The following RUNDC3B variants were observed in gnomAD, a reference collection of about 807,000 sequenced individuals.
RUNDC3B encodes RUN domain-containing protein 3B.
Under a neutral mutation model 58.4 loss-of-function variants are expected in RUNDC3B, and 33 were observed. That is an observed-to-expected ratio of 0.56 (90% confidence interval 0.43 to 0.75). RUNDC3B has a LOEUF of 0.75. Among genes scored for constraint, RUNDC3B ranks in the 30% least tolerant of loss-of-function variants. RUNDC3B has a pLI of 0.00. For synonymous variants in RUNDC3B, 193 were observed against 195.2 expected (o/e 0.99, Z 0.10); for missense variants, 501 against 535.7 (o/e 0.94, Z 0.64).
At chr7:87,696,952 TC>T (rs1263850216) in intron 2 of RUNDC3B, among the ~76,000 whole-genome samples, 2 of 152,212 alleles carry the variant, frequency 1.3e-5, no homozygotes, top group Non-Finnish European at 2.9e-5. Context: ...TTCTAGTTTT[TC>T]TGTCTCTGTT....
rs182756165 is a variant in RUNDC3B, at chr7:87,640,072, C to T, written c.123-10750C>T. Among the ~76,000 whole-genome samples, 1,181 of 150,132 alleles carry T rather than the reference C, an allele frequency of 7.9e-3. 21 individuals are homozygous for T. Among genetic ancestry groups the T allele is most frequent in the African/African-American group, 0.027 (1,119 of 41,114 alleles). On this transcript the variant is annotated intron_variant, in intron 1 of 10. Coordinates refer to ENST00000394654, the MANE Select transcript of RUNDC3B (RefSeq NM_001134405.2). ...ATATATGTTTATATATATTTCTATT[C>T]TTTTGGCAGTTACCTTTGGTTTATT... is the stretch of plus-strand genomic sequence containing the variant.
At chr7:87,820,225 A>T (rs909671920) in intron 10 of RUNDC3B, among the ~76,000 whole-genome samples, 97 of 152,338 alleles carry the variant, frequency 6.4e-4, no homozygotes, top group Middle Eastern at 3.4e-3. Context: ...GATCTCACAG[A>T]AATACAAACT....
intron 10 of RUNDC3B, among the ~76,000 whole-genome samples, chr7:87,820,160 A>G (rs1468933372): frequency 6.6e-6 from 1 of 152,176 alleles, no homozygotes; most frequent in Non-Finnish European, 1.5e-5. Context: ...TAAAGAAGAA[A>G]AGAGAGAAGA....
chr7:87,829,973 T>C lies in RUNDC3B; in HGVS notation c.1314T>C (p.Asn438=), dbSNP rs758560197. 2 of 1,610,024 alleles carry C rather than the reference T, an allele frequency of 1.2e-6. No homozygotes were observed. The highest frequency in any genetic ancestry group is 2.2e-5 in the East Asian group (1 of 44,628). The change falls in exon 11 of 11, where the codon AAT becomes AAC. Residue 438 remains asparagine (N), a synonymous_variant. Transcript: ENST00000394654. ...AGTCTCTAACAAGCTTAAAATCTAA[T>C]GACTACCTTGCAAGTCCTACAACAG... ...SYKSLTSLKS[N]DYLASPTTEM... is the part of the protein sequence containing the mutation.
chr7:87,648,109 G>A lies in RUNDC3B; in HGVS notation c.123-2713G>A, dbSNP rs189769207. On this transcript the variant is annotated intron_variant, in intron 1 of 10. Transcript: ENST00000394654. ...CTGAGGCAGGAGAATGGCGTGAACC[G>A]GGGTGGCATAGCTTACAGTGAGCCA... Among the ~76,000 whole-genome samples, 75 of 151,286 alleles carry A rather than the reference G, an allele frequency of 5.0e-4. No individual in the cohort carries two copies. The East Asian group carries it at 9.5e-3, about 19-fold the overall frequency.
rs935576406 is a variant in RUNDC3B at position 87,831,929 on chromosome 7, C to G, written c.*1899C>G. The stretch of plus-strand genomic sequence containing the variant: ...AGAAGGAAATTCAAGATTCCATAAT[C>G]GTAAAATTTTTCAGATTTGTCTAAT... On this transcript the variant is annotated 3_prime_UTR_variant, in exon 11 of 11. Transcript: ENST00000394654. 11 of 152,038 alleles carry G rather than the reference C, an allele frequency of 7.2e-5. No homozygotes were observed. The highest frequency in any genetic ancestry group is 2.6e-4 in the Admixed American group (4 of 15,238). The allele number at this position is 152,038 out of a possible 1,614,324, so 9.4% of individuals were successfully genotyped here. A position where few individuals can be genotyped will look rare whatever the true frequency, so the allele number is the denominator to read the frequency against.
chr7:87,780,140 T>C (rs1834847239), intron 8 of RUNDC3B, among the ~76,000 whole-genome samples: 1 of 152,248 alleles, frequency 6.6e-6, no homozygotes, highest in African/African-American at 2.4e-5. Flanking sequence ...CTTTTGGATA[T>C]ATACCTAGTA....
Position 87,739,862 on chromosome 7 carries a change from T to C in RUNDC3B, c.530T>C (p.Leu177Pro). ...ANMLAGMLLG[L>P]NAIDFSFCLK... is the part of the protein sequence containing the mutation. The stretch of plus-strand genomic sequence containing the variant: ...ATGCTTGCTGGCATGCTTCTAGGAC[T>C]CAATGCTATTGATTTCAGGTACTTA... The change falls in exon 5 of 11, where the codon CTC becomes CCC. Residue 177 changes from leucine (L) to proline (P), a missense_variant. Coordinates refer to ENST00000394654, the MANE Select transcript of RUNDC3B (RefSeq NM_001134405.2). 6.4e-7 allele frequency: 1 copy of C among 1,565,918 alleles called. No homozygotes were observed.
intron 3 of RUNDC3B, among the ~76,000 whole-genome samples, chr7:87,702,164 A>C (rs1829131540): frequency 6.7e-6 from 1 of 150,204 alleles, no homozygotes; most frequent in Non-Finnish European, 1.5e-5. Flanking sequence ...AAAAAAAAAA[A>C]AAAAAAAACA....
rs543895291 is a variant in RUNDC3B, at chr7:87,768,818, A to G, written c.630-1763A>G. ...CTTATCTCAACTTTCCACTCAGGCT[A>G]TGATTATTCATCTATAAATTTGATC... On this transcript the variant is annotated intron_variant, in intron 6 of 10. Coordinates refer to ENST00000394654, the MANE Select transcript of RUNDC3B (RefSeq NM_001134405.2). Among the ~76,000 whole-genome samples, 4 of 152,094 alleles carry G rather than the reference A, an allele frequency of 2.6e-5. No individual in the cohort carries two copies. In the South Asian group the frequency reaches 8.3e-4, roughly 32 times the overall value.
At chr7:87,649,791 T>C (rs527413373) in intron 1 of RUNDC3B, among the ~76,000 whole-genome samples, 1 of 152,344 alleles carries the variant, frequency 6.6e-6, no homozygotes, top group East Asian at 1.9e-4. Context: ...GGTAATTGAA[T>C]CATGGCAGCG....
chr7:87,790,805 A>G (rs565048009), intron 8 of RUNDC3B, among the ~76,000 whole-genome samples: 2 of 152,208 alleles, frequency 1.3e-5, no homozygotes, highest in African/African-American at 4.8e-5. Flanking sequence ...GGAGACAAAA[A>G]AAATAGAAAA....
chr7:87,778,868 TA>T (rs965508633), intron 8 of RUNDC3B, among the ~76,000 whole-genome samples: 47 of 152,198 alleles, frequency 3.1e-4, no homozygotes, highest in African/African-American at 8.4e-4. Context: ...TATTTAATCT[TA>T]AAAAAATAAT....
At chr7:87,736,368 C>G (rs1167300996) in intron 4 of RUNDC3B, among the ~76,000 whole-genome samples, 3 of 152,016 alleles carry the variant, frequency 2.0e-5, no homozygotes, top group East Asian at 3.8e-4. Flanking sequence ...TGTTATTGAA[C>G]TACTTAAAAT....
chr7:87,728,741 G>T (rs1831394787), intron 4 of RUNDC3B, among the ~76,000 whole-genome samples: 1 of 152,176 alleles, frequency 6.6e-6, no homozygotes, highest in African/African-American at 2.4e-5. Context: ...ATATTTACAA[G>T]TCAGGGCATG....
At position 87,794,652 on chromosome 7, in the gene RUNDC3B, A is replaced by G. The variant is rs115854097; in HGVS notation, c.957-12721A>G. ...AAAAAAAAAAAAACCTAACATTTTT[A>G]TGGAACCACAAAAAACCCAGAATAG... is the stretch of plus-strand genomic sequence containing the variant. On this transcript the variant is annotated intron_variant, in intron 8 of 10. Transcript: ENST00000394654. 2.8e-3 allele frequency among the ~76,000 whole-genome samples: 426 copies of G among 151,968 alleles called. 1 individual carries two copies. The highest frequency in any genetic ancestry group is 9.8e-3 in the African/African-American group (405 of 41,486).
At chr7:87,686,829 C>T (rs1197176153) in intron 2 of RUNDC3B, among the ~76,000 whole-genome samples, 1 of 150,940 alleles carries the variant, frequency 6.6e-6, no homozygotes, top group Admixed American at 6.6e-5. Flanking sequence ...TCTGTAGTCC[C>T]AGCTACTTGG....
chr7:87,724,361 C>G (rs1268695214), intron 4 of RUNDC3B, among the ~76,000 whole-genome samples: 5 of 152,092 alleles, frequency 3.3e-5, no homozygotes, highest in Non-Finnish European at 7.4e-5. Flanking sequence ...AAAAACATTT[C>G]AGGATATTAT....
chr7:87,825,528 G>A (rs1316529797), intron 10 of RUNDC3B, among the ~76,000 whole-genome samples: 1 of 152,172 alleles, frequency 6.6e-6, no homozygotes, highest in African/African-American at 2.4e-5. Context: ...AGGGAAATGT[G>A]GGGTCAGAAC....
Sources: gnomAD v4.1 joint callset for allele counts (sites outside exome capture counted in the v4.1 genomes callset) on GRCh38, gnomAD v4.1.1 for gene constraint, MANE v1.5 for transcripts, NCBI Gene and HGNC (gene_info 2026-07-23, HGNC 2026-07-21) for gene names.